The following GUCY1B1 variants were observed in gnomAD, a reference collection of about 807,000 sequenced individuals.
The protein encoded by GUCY1B1 is guanylate cyclase 1 soluble subunit beta 1.
Under a neutral mutation model 71.0 loss-of-function variants are expected in GUCY1B1, and 43 were observed. That is an observed-to-expected ratio of 0.61 (90% CI 0.47 to 0.78). GUCY1B1 has a LOEUF of 0.78. Among genes scored for constraint, GUCY1B1 ranks in the 30% least tolerant of loss-of-function variants. The pLI is 0.00. For synonymous variants in GUCY1B1, 266 were observed against 259.7 expected (o/e 1.02, Z -0.23); for missense variants, 535 against 754.1 (o/e 0.71, Z 3.40).
chr4:155,759,218 G>C, intron 1 of GUCY1B1, 75 bp downstream of exon 1: 1 of 1,443,306 alleles, frequency 6.9e-7, no homozygotes, highest in Non-Finnish European at 9.4e-7. Context: ...AACTGGCCGC[G>C]CAGCCGGAGC....
In GUCY1B1 at chr4:155,802,157, A is replaced by T. The variant is rs1031978778; in HGVS notation, c.1176-185A>T. ...TGTGATTAGGATGAACAAATAATTT[A>T]TGTTTTCTGTAAATCCTTGCTTATA... On this transcript the variant is annotated intron_variant, in intron 9 of 13. Coordinates refer to ENST00000264424, the MANE Select transcript of GUCY1B1 (RefSeq NM_000857.5). The surrounding 1 kb of genome is among the most constrained non-coding windows in gnomAD (Gnocchi z 4.3). The T allele has an allele frequency of 1.5e-6, 2 of 1,354,828 alleles. No individual in the cohort carries two copies. Among genetic ancestry groups the T allele is most frequent in the African/African-American group, 2.9e-5 (2 of 68,164 alleles). The allele number at this position is 1,354,828 out of a possible 1,614,324, so 83.9% of individuals were successfully genotyped here.
In GUCY1B1 at chr4:155,803,566, A is replaced by G. The variant is rs1295940057; in HGVS notation, c.1414-58A>G. ...AAAAAATATGTTTTTTGTTAGGGTAATAAATGAAACAGTCTTTTTTATGCT... is the reference window on the plus strand; with the variant it reads ...AAAAAATATGTTTTTTGTTAGGGTAGTAAATGAAACAGTCTTTTTTATGCT... On this transcript the variant is annotated intron_variant, in intron 10 of 13. Coordinates refer to ENST00000264424, the MANE Select transcript of GUCY1B1 (RefSeq NM_000857.5). 6 of 1,225,990 alleles carry G rather than the reference A, an allele frequency of 4.9e-6. No individual in the cohort carries two copies. The South Asian group carries it at 9.4e-5, about 19-fold the overall frequency. 75.9% of individuals were successfully genotyped at this position (1,225,990 alleles called of 1,614,324 possible).
intron 3 of GUCY1B1, 101 bp downstream of exon 3, chr4:155,775,169 A>G (rs1184552548): frequency 1.1e-5 from 8 of 742,926 alleles, no homozygotes; most frequent in Non-Finnish European, 1.9e-5. Flanking sequence ...AGTGGTGCAG[A>G]GCATTTGTAC....
chr4:155,766,141 C>T (rs1325800024), intron 2 of GUCY1B1, among the ~76,000 whole-genome samples: 1 of 152,038 alleles, frequency 6.6e-6, no homozygotes, highest in Non-Finnish European at 1.5e-5. Flanking sequence ...AATGAAGTAT[C>T]TTTCACCTTT....
At chr4:155,795,935 A>C (rs550382683) in intron 7 of GUCY1B1, among the ~76,000 whole-genome samples, 4 of 152,112 alleles carry the variant, frequency 2.6e-5, no homozygotes, top group Non-Finnish European at 5.9e-5. Context: ...TGTTCTTGGG[A>C]TAGATACAGC....
intron 5 of GUCY1B1, 105 bp from the exon 6 acceptor site, chr4:155,793,751 A>C (rs1454919483): frequency 1.6e-6 from 1 of 618,958 alleles, no homozygotes; most frequent in Admixed American, 2.9e-5. Flanking sequence ...GAATTTTTGT[A>C]ATTAATCTTC....
intron 8 of GUCY1B1, among the ~76,000 whole-genome samples, chr4:155,798,372 C>A (rs1739710937): frequency 6.6e-6 from 1 of 152,158 alleles, no homozygotes; most frequent in African/African-American, 2.4e-5. Context: ...GCATTTTTGA[C>A]CATTCATTTT....
In GUCY1B1 at chr4:155,806,679, G is replaced by A. The variant is rs1217191909; in HGVS notation, c.*270G>A. On this transcript the variant is annotated 3_prime_UTR_variant, in exon 14 of 14. Transcript: ENST00000264424. ...TCATGTGTCTTAAAATCTACTACAA[G>A]CATTACCTAACATGGTGATCTGCAA... is the stretch of plus-strand genomic sequence containing the variant. 1.3e-5 allele frequency: 5 copies of A among 386,384 alleles called. No homozygotes were observed. Among genetic ancestry groups the A allele is most frequent in the East Asian group, 3.9e-5 (1 of 25,632 alleles). 23.9% of individuals were successfully genotyped at this position (386,384 alleles called of 1,614,324 possible).
At chr4:155,772,657 G>A (rs930616575) in intron 2 of GUCY1B1, 29 of 700,258 alleles carry the variant, frequency 4.1e-5, no homozygotes, top group African/African-American at 2.6e-4. Context: ...TGAGCTCAAC[G>A]GATCCTCCCA....
rs1274257891 is a variant in GUCY1B1, at chr4:155,796,399, A to C, written c.866A>C (p.Lys289Thr). 4 of 1,613,516 alleles carry C rather than the reference A, an allele frequency of 2.5e-6. No homozygotes were observed. Among genetic ancestry groups the C allele is most frequent in the Non-Finnish European group, 3.4e-6 (4 of 1,179,566 alleles). Residue 289 changes from lysine (K) to threonine (T), a missense_variant, in exon 8 of 14, where the codon AAA (lysine) becomes ACA (threonine). Lys to Thr is a moderately conservative substitution (Grantham distance 78). Transcript: ENST00000264424. ...AAGGAAGGATTGTTGGATGTGGAGAAATTAGAATGTGAGGATGAACTGACT... is the reference window on the plus strand; with the variant it reads ...AAGGAAGGATTGTTGGATGTGGAGACATTAGAATGTGAGGATGAACTGACT... ...RSKEGLLDVE[K>T]LECEDELTGT... is the part of the protein sequence containing the mutation.
intron 6 of GUCY1B1, among the ~76,000 whole-genome samples, chr4:155,794,499 A>G (rs1739403262): frequency 6.6e-6 from 1 of 152,192 alleles, no homozygotes; most frequent in Admixed American, 6.5e-5. Flanking sequence ...AAAAAGAACT[A>G]AAACACAAAA....
chr4:155,803,484 A>G (rs1001284140), intron 10 of GUCY1B1, 140 bp from the exon 11 acceptor site: 4 of 480,960 alleles, frequency 8.3e-6, no homozygotes, highest in South Asian at 1.1e-4. Flanking sequence ...AGTTGAATAT[A>G]TTAGAATTTT....
intron 5 of GUCY1B1, 133 bp from the exon 6 acceptor site, chr4:155,793,723 T>C: frequency 1.7e-6 from 1 of 584,642 alleles, no homozygotes; most frequent in South Asian, 2.1e-5. Flanking sequence ...ACATATGGAG[T>C]ATTTGCATAT....
At chr4:155,800,725 G>A (rs956961900) in intron 9 of GUCY1B1, among the ~76,000 whole-genome samples, 1 of 152,156 alleles carries the variant, frequency 6.6e-6, no homozygotes, top group African/African-American at 2.4e-5. Context: ...TAAGTACATA[G>A]CATGCATACT....
In GUCY1B1 at chr4:155,794,089, A is replaced by G. The variant is rs1420970681; in HGVS notation, c.726+3A>G. ...CTATATACAGAGTTCTCCCCCAGGTAAAATGACAGCATACTTCCTTGGGGC... is the reference window on the plus strand; with the variant it reads ...CTATATACAGAGTTCTCCCCCAGGTGAAATGACAGCATACTTCCTTGGGGC... On this transcript the variant is annotated splice_donor_region_variant and intron_variant, in intron 6 of 13. Coordinates refer to ENST00000264424, the MANE Select transcript of GUCY1B1 (RefSeq NM_000857.5). The G allele has an allele frequency of 2.0e-6, 3 of 1,496,166 alleles. No individual in the cohort carries two copies. The highest frequency in any genetic ancestry group is 1.7e-5 in the Admixed American group (1 of 59,652). The allele number at this position is 1,496,166 out of a possible 1,614,324, so 92.7% of individuals were successfully genotyped here. A position where few individuals can be genotyped will look rare whatever the true frequency, so the allele number is the denominator to read the frequency against.
At chr4:155,774,337 GCCC>G (rs1737894433) in intron 2 of GUCY1B1, among the ~76,000 whole-genome samples, 1 of 151,962 alleles carries the variant, frequency 6.6e-6, no homozygotes, top group Admixed American at 6.6e-5. Context: ...TCTTCCCTCT[GCCC>G]AGAACACAAT....
chr4:155,762,404 T>C (rs1028920856), intron 2 of GUCY1B1, among the ~76,000 whole-genome samples: 6 of 152,240 alleles, frequency 3.9e-5, no homozygotes, highest in Non-Finnish European at 7.3e-5. Flanking sequence ...TCTAAATTGA[T>C]GTTTATACAA....
intron 4 of GUCY1B1, chr4:155,785,386 C>A: frequency 1.3e-6 from 1 of 765,978 alleles, no homozygotes; most frequent in Non-Finnish European, 2.2e-6. Context: ...GGACATACTT[C>A]TTTGCAATTG....
At chr4:155,790,536 A>T (rs1485097293) in intron 5 of GUCY1B1, among the ~76,000 whole-genome samples, 1 of 152,164 alleles carries the variant, frequency 6.6e-6, no homozygotes, top group African/African-American at 2.4e-5. Flanking sequence ...GTTTCTCTTT[A>T]CCTCTGGCCC....
Sources: allele counts gnomAD v4.1 joint callset (sites outside exome capture counted in the v4.1 genomes callset), GRCh38; gene constraint gnomAD v4.1.1; non-coding constraint Gnocchi (gnomAD v3.1); transcripts MANE v1.5; gene names NCBI Gene and HGNC (gene_info 2026-07-23, HGNC 2026-07-21).